The following GCN1 variants were observed in gnomAD, a reference collection of about 807,000 sequenced individuals.
GCN1 encodes stalled ribosome sensor GCN1.
A neutral mutation model predicts 288.4 loss-of-function variants in GCN1; 90 were observed. The ratio of observed to expected loss-of-function variants is 0.31; its 90% CI spans 0.26 to 0.37. The LOEUF (loss-of-function observed/expected upper bound fraction) is 0.37, where lower values mean the gene tolerates loss of function less well. Among genes scored for constraint, GCN1 ranks in the 10% least tolerant of loss-of-function variants. The pLI is 1.00. For synonymous variants in GCN1, 1,386 were observed against 1,420.2 expected, an observed-to-expected ratio of 0.98 and a Z score of 0.54; for missense variants, 2,586 against 3,419.9, an observed-to-expected ratio of 0.76 and a Z score of 6.08.
Position 120,176,159 on chromosome 12 carries a change from G to T in GCN1, c.897C>A (p.Ile299=). The change falls in exon 10 of 58, where the codon ATC becomes ATA. Residue 299 remains isoleucine (I), a synonymous_variant. Coordinates refer to ENST00000300648, the MANE Select transcript of GCN1 (RefSeq NM_006836.2). ...TLDLSQYAMD[I]VKGLAGHLKS... is the part of the protein sequence containing the mutation. Reference sequence around the variant, plus strand: ...GATACTCACCAGCCAGTCCTTTCACGATGTCCATGGCATACTGGCTGAGGT... The same window carrying T: ...GATACTCACCAGCCAGTCCTTTCACTATGTCCATGGCATACTGGCTGAGGT... 6.2e-7 allele frequency: 1 copy of T among 1,610,032 alleles called. No homozygotes were observed. The highest frequency in any genetic ancestry group is 8.5e-7 in the Non-Finnish European group (1 of 1,176,250).
In GCN1 at chr12:120,130,702, G is replaced by T; in HGVS notation, c.7615C>A (p.His2539Asn). ...VRGMGFLMRH[H>N]IETGGGQLPA... The stretch of plus-strand genomic sequence containing the variant: ...AACTGCCCTCCGCCTGTCTCGATGT[G>T]GTGTCTCATGAGAAAGCCCATGCCC... Residue 2539 changes from histidine to asparagine, a missense_variant, in exon 56 of 58, where the codon CAC becomes AAC. Physicochemically the swap from His to Asn is moderately conservative, Grantham distance 68 (BLOSUM62 1). This residue lies in a region of GCN1 where 355 missense variants were observed against 431.1 expected (regional missense o/e 0.82). Transcript: ENST00000300648. 1 of 1,613,998 alleles carries T rather than the reference G, an allele frequency of 6.2e-7. No homozygotes were observed. The highest frequency in any genetic ancestry group is 1.1e-5 in the South Asian group (1 of 91,078).
At chr12:120,167,864 T>C (rs1878183155) in intron 16 of GCN1, among the ~76,000 whole-genome samples, 1 of 152,042 alleles carries the variant, frequency 6.6e-6, no homozygotes, top group South Asian at 2.1e-4. Context: ...TGTCTCTTGG[T>C]GGGGGAGTAG....
At chr12:120,183,342 T>C (rs1878725567) in intron 5 of GCN1, among the ~76,000 whole-genome samples, 1 of 152,228 alleles carries the variant, frequency 6.6e-6, no homozygotes, top group South Asian at 2.1e-4. Flanking sequence ...GCATTTCTAG[T>C]GCCTAGCACC....
intron 53 of GCN1, 81 bp from the exon 54 acceptor site, chr12:120,132,103 C>T (rs1247598025): frequency 2.3e-6 from 2 of 866,658 alleles, no homozygotes; most frequent in African/African-American, 3.3e-5. Flanking sequence ...GCTCTAGAGC[C>T]CAGGATGGAC....
At chr12:120,166,336 G>A (rs1229028132) in intron 16 of GCN1, among the ~76,000 whole-genome samples, 14 of 149,400 alleles carry the variant, frequency 9.4e-5, no homozygotes, top group Non-Finnish European at 1.6e-4. Flanking sequence ...CCCGGGAGGT[G>A]GAGGTTGCAA....
At chr12:120,132,051 G>A (rs755740460) in intron 53 of GCN1, 29 bp from the exon 54 acceptor site, 6 of 1,439,382 alleles carry the variant, frequency 4.2e-6, no homozygotes, top group Non-Finnish European at 5.8e-6. Context: ...GAGTGAGGGG[G>A]TGCAGGGAAC....
chr12:120,142,789 A>AC lies in GCN1; in HGVS notation c.5613+34dup. 1 of 1,589,900 alleles carries AC rather than the reference A, an allele frequency of 6.3e-7. No individual in the cohort carries two copies. Among genetic ancestry groups the AC allele is most frequent in the Non-Finnish European group, 8.6e-7 (1 of 1,157,882 alleles). ...TGGCATGGGCATCAGGGCACACCCT[A>AC]CCATCAGCAGGGGCAGGAAAGCCAC... On this transcript the variant is annotated intron_variant, in intron 43 of 57. Transcript: ENST00000300648. The surrounding 1 kb of genome is among the most constrained non-coding windows in gnomAD (Gnocchi z 4.9).
Position 120,142,507 on chromosome 12 carries a change from C to T in GCN1, c.5829G>A (p.Thr1943=). ...CCAAAACAAGGCCCAGGAAACTCAC[C>T]GTTCTCTTATCTGCACACGTGCTGG... ...FLASTCADKR[T]IAARTLGDLV... Residue 1943 remains threonine (T), a splice_region_variant and synonymous_variant, in exon 44 of 58, where the codon ACG becomes ACA. Coordinates refer to ENST00000300648, the MANE Select transcript of GCN1 (RefSeq NM_006836.2). The surrounding 1 kb of genome is among the most constrained non-coding windows in gnomAD (Gnocchi z 4.9). 1.2e-6 allele frequency: 2 copies of T among 1,612,542 alleles called. No individual in the cohort carries two copies. The highest frequency in any genetic ancestry group is 1.7e-6 in the Non-Finnish European group (2 of 1,178,892).
chr12:120,145,543 C>T (rs1397004627), intron 38 of GCN1, among the ~76,000 whole-genome samples: 1 of 152,206 alleles, frequency 6.6e-6, no homozygotes, highest in Admixed American at 6.5e-5. Flanking sequence ...CTCAGGGACT[C>T]CTACAAGGGA....
intron 38 of GCN1, among the ~76,000 whole-genome samples, chr12:120,145,918 A>C (rs1315250684): frequency 6.6e-6 from 1 of 152,210 alleles, no homozygotes. Context: ...ACTTGTTATA[A>C]CTTGGGAATA....
Position 120,170,328 on chromosome 12 carries a change from A to G in GCN1, c.1367-7T>C. On this transcript the variant is annotated splice_region_variant and splice_polypyrimidine_tract_variant and intron_variant, in intron 14 of 57. Transcript: ENST00000300648. ...GCCTGCAACAGCGTGTCACCTGTGG[A>G]GAGAGGACAAGCACCTTAAAGGACA... The G allele has an allele frequency of 6.2e-7, 1 of 1,613,654 alleles. No homozygotes were observed. The highest frequency in any genetic ancestry group is 8.5e-7 in the Non-Finnish European group (1 of 1,179,578).
chr12:120,184,765 C>G, intron 3 of GCN1, 59 bp downstream of exon 3: 1 of 1,264,486 alleles, frequency 7.9e-7, no homozygotes, highest in African/African-American at 1.5e-5. Context: ...CTAACCACTA[C>G]TCTAAATCCC....
At position 120,142,395 on chromosome 12, in the gene GCN1, C is replaced by T; in HGVS notation, c.5829+112G>A. The T allele has an allele frequency of 1.4e-6, 1 of 707,726 alleles. No homozygotes were observed. The highest frequency in any genetic ancestry group is 1.6e-5 in the South Asian group (1 of 62,112). 43.8% of individuals were successfully genotyped at this position (707,726 alleles called of 1,614,324 possible). A position where few individuals can be genotyped will look rare whatever the true frequency, so the allele number is the denominator to read the frequency against. On this transcript the variant is annotated intron_variant, in intron 44 of 57. Coordinates refer to ENST00000300648, the MANE Select transcript of GCN1 (RefSeq NM_006836.2). The surrounding 1 kb of genome is among the most constrained non-coding windows in gnomAD (Gnocchi z 4.9). ...TGACTAAGTAAAGAACACAATGTCC[C>T]TCTGTTAGGCAGGGTGGATGGGTAC...
In GCN1 at chr12:120,161,903, C is replaced by T. The variant is rs1877944636; in HGVS notation, c.2319G>A (p.Leu773=). The T allele has an allele frequency of 2.5e-6, 4 of 1,614,104 alleles. No individual in the cohort carries two copies. The highest frequency in any genetic ancestry group is 1.1e-5 in the South Asian group (1 of 91,076). ...ACCTCTGAATGATGGATTTGTCATACAGCTCCCCAGCAGGGGTCTGCATAA... is the reference window on the plus strand; with the variant it reads ...ACCTCTGAATGATGGATTTGTCATATAGCTCCCCAGCAGGGGTCTGCATAA... ...FAIMQTPAGE[L]YDKSIIQSAQ... is the part of the protein sequence containing the mutation. Residue 773 remains leucine (L), a synonymous_variant, in exon 21 of 58, where the codon CTG becomes CTA. Coordinates refer to ENST00000300648, the MANE Select transcript of GCN1 (RefSeq NM_006836.2).
At chr12:120,147,394 C>A in intron 37 of GCN1, 122 bp from the exon 38 acceptor site, 1 of 469,300 alleles carries the variant, frequency 2.1e-6, no homozygotes, top group Non-Finnish European at 3.8e-6. Context: ...TCCCTGAAAC[C>A]CCACAAGTCA....
chr12:120,153,105 TTTC>T lies in GCN1; in HGVS notation c.4062+105_4062+107del. On this transcript the variant is annotated intron_variant, in intron 33 of 57. Transcript: ENST00000300648. This position sits in a 1 kb window ranked among gnomAD's most constrained non-coding sequence, Gnocchi z 4.4. The stretch of plus-strand genomic sequence containing the variant: ...GGTGAATCCTTAACAAGAACTGGGC[TTTC>T]AGGGCCCTGATTGTCCAACTCCACC... The T allele has an allele frequency of 1.1e-6, 1 of 886,476 alleles. No homozygotes were observed. The highest frequency in any genetic ancestry group is 1.7e-6 in the Non-Finnish European group (1 of 572,464). 54.9% of individuals were successfully genotyped at this position (886,476 alleles called of 1,614,324 possible).
At chr12:120,138,657 G>C in intron 46 of GCN1, 38 bp downstream of exon 46, 1 of 1,592,538 alleles carries the variant, frequency 6.3e-7, no homozygotes, top group South Asian at 1.1e-5. Context: ...GACGGCAAAA[G>C]CCAAACTGGT....
chr12:120,128,329 G>T (rs1041422926), intron 57 of GCN1, among the ~76,000 whole-genome samples: 2 of 150,834 alleles, frequency 1.3e-5, no homozygotes, highest in African/African-American at 4.9e-5. Flanking sequence ...GGGAGTTGCA[G>T]CTTTTGGGCT....
chr12:120,164,738 G>A lies in GCN1; in HGVS notation c.1613-17C>T. 6.4e-7 allele frequency: 1 copy of A among 1,573,844 alleles called. No individual in the cohort carries two copies. Among genetic ancestry groups the A allele is most frequent in the Non-Finnish European group, 8.7e-7 (1 of 1,143,494 alleles). ...TACACAGGGCTTGGAGGGAAGAAAA[G>A]GAATGGAAGTGTTTTTAAAATAGTT... On this transcript the variant is annotated splice_polypyrimidine_tract_variant and intron_variant, in intron 16 of 57. Transcript: ENST00000300648.
Sources: gnomAD v4.1 joint callset for allele counts (sites outside exome capture counted in the v4.1 genomes callset) on GRCh38, gnomAD v4.1.1 for gene constraint, gnomAD v4.1.1 regional missense constraint, Gnocchi (gnomAD v3.1) non-coding constraint, MANE v1.5 for transcripts, NCBI Gene and HGNC (gene_info 2026-07-23, HGNC 2026-07-21) for gene names.